CSTPP1: variants seen among roughly 807,000 people sequenced by gnomAD.
CSTPP1 encodes the protein centriolar satellite-associated tubulin polyglutamylase complex regulator 1.
the CSTPP1 span, among the ~76,000 whole-genome samples, chr11:46,973,790 G>GTGTGTGTGTGTC: frequency 6.6e-6 from 1 of 151,744 alleles, no homozygotes; most frequent in Non-Finnish European, 1.5e-5. Context: ...ATGTGTGTGT[G>GTGTGTGTGTGTC]TGTGTGTGTC....
At chr11:47,106,216 C>T in the CSTPP1 span, among the ~76,000 whole-genome samples, 6 of 152,262 alleles carry the variant, frequency 3.9e-5, no homozygotes, top group East Asian at 5.8e-4. Context: ...AACAACTGAA[C>T]GCCTGGTTTA....
the CSTPP1 span, among the ~76,000 whole-genome samples, chr11:47,098,481 C>G: frequency 6.6e-6 from 1 of 150,798 alleles, no homozygotes; most frequent in Non-Finnish European, 1.5e-5. Flanking sequence ...GAATGTAGAA[C>G]AAAAGAAATG....
chr11:47,143,347 T>C, the CSTPP1 span, among the ~76,000 whole-genome samples: 1 of 152,186 alleles, frequency 6.6e-6, no homozygotes, highest in African/African-American at 2.4e-5. Flanking sequence ...GGAACTGCCC[T>C]CTCCCATTTC....
At chr11:46,949,924 C>T in the CSTPP1 span, among the ~76,000 whole-genome samples, 1 of 152,128 alleles carries the variant, frequency 6.6e-6, no homozygotes, top group East Asian at 1.9e-4. Flanking sequence ...CCTCCCGCCT[C>T]GGCCTCCCCA....
the CSTPP1 span, among the ~76,000 whole-genome samples, chr11:47,012,421 C>G: frequency 6.6e-6 from 1 of 151,670 alleles, no homozygotes; most frequent in Non-Finnish European, 1.5e-5. Flanking sequence ...AAAGTATATT[C>G]TTGATTAAGA....
chr11:47,010,150 A>G, the CSTPP1 span, among the ~76,000 whole-genome samples: 1 of 152,280 alleles, frequency 6.6e-6, no homozygotes, highest in East Asian at 1.9e-4. Context: ...GATAATTATC[A>G]GACAGAGAAG....
the CSTPP1 span, among the ~76,000 whole-genome samples, chr11:47,019,660 G>A: frequency 6.6e-6 from 1 of 152,276 alleles, no homozygotes; most frequent in Non-Finnish European, 1.5e-5. Flanking sequence ...GATGTGGTTT[G>A]TGGCACCCCA....
At chr11:47,125,282 G>T in the CSTPP1 span, among the ~76,000 whole-genome samples, 1 of 152,076 alleles carries the variant, frequency 6.6e-6, no homozygotes, top group East Asian at 1.9e-4. Flanking sequence ...ATAGGTAGCC[G>T]TAAATCCATC....
At chr11:47,053,637 A>AAAAAG in the CSTPP1 span, among the ~76,000 whole-genome samples, 3 of 151,738 alleles carry the variant, frequency 2.0e-5, no homozygotes, top group African/African-American at 7.3e-5. Context: ...AAAAAAAAGA[A>AAAAAG]AAAAGAAAAG....
chr11:47,058,826 A>G, the CSTPP1 span, among the ~76,000 whole-genome samples: 111 of 152,334 alleles, frequency 7.3e-4, no homozygotes, highest in Non-Finnish European at 1.3e-3. Flanking sequence ...TTATTGCTTC[A>G]GCGTGTTATG....
chr11:47,116,171 G>A, the CSTPP1 span, among the ~76,000 whole-genome samples: 1 of 152,142 alleles, frequency 6.6e-6, no homozygotes, highest in Non-Finnish European at 1.5e-5. Flanking sequence ...TGGCATTGTG[G>A]TCTGAGAGAC....
the CSTPP1 span, among the ~76,000 whole-genome samples, chr11:47,036,271 A>T: frequency 2.9e-5 from 2 of 69,568 alleles, 1 homozygote; most frequent in South Asian, 7.9e-4. Flanking sequence ...TAATATATAT[A>T]TTATATATTA....
At chr11:46,953,745 C>G in the CSTPP1 span, among the ~76,000 whole-genome samples, 1 of 152,134 alleles carries the variant, frequency 6.6e-6, no homozygotes, top group Non-Finnish European at 1.5e-5. Flanking sequence ...AGAATTTTCT[C>G]AATTAGGAAG....
chr11:47,122,468 G>A, the CSTPP1 span, among the ~76,000 whole-genome samples: 1 of 152,004 alleles, frequency 6.6e-6, no homozygotes, highest in Non-Finnish European at 1.5e-5. Flanking sequence ...CTCTGTGGAT[G>A]GTTTCCTGCC....
the CSTPP1 span, among the ~76,000 whole-genome samples, chr11:47,147,555 C>A: frequency 6.6e-6 from 1 of 152,118 alleles, no homozygotes; most frequent in Non-Finnish European, 1.5e-5. Context: ...AGCACCCAGG[C>A]CAAATCTTCC....
the CSTPP1 span, among the ~76,000 whole-genome samples, chr11:47,044,017 C>T: frequency 1.1e-4 from 16 of 152,206 alleles, no homozygotes; most frequent in Non-Finnish European, 1.8e-4. Context: ...GATGGAGTCT[C>T]GCTCTGTCAC....
chr11:47,051,398 T>C, the CSTPP1 span, among the ~76,000 whole-genome samples: 1 of 152,200 alleles, frequency 6.6e-6, no homozygotes, highest in East Asian at 1.9e-4. Flanking sequence ...CAATGGAGTA[T>C]ATTTTTTTCC....
At chr11:47,013,146 T>C in the CSTPP1 span, among the ~76,000 whole-genome samples, 2 of 148,000 alleles carry the variant, frequency 1.4e-5, no homozygotes, top group Non-Finnish European at 3.0e-5. Context: ...TATAACCATA[T>C]GTAGTTATAT....
chr11:47,014,569 G>A, the CSTPP1 span, among the ~76,000 whole-genome samples: 1 of 151,938 alleles, frequency 6.6e-6, no homozygotes, highest in Admixed American at 6.6e-5. Flanking sequence ...CAGGCGTGGT[G>A]GTGCATGACT....
Sources: allele counts gnomAD v4.1 joint callset (sites outside exome capture counted in the v4.1 genomes callset), GRCh38; gene constraint gnomAD v4.1.1; transcripts MANE v1.5; gene names NCBI Gene and HGNC (gene_info 2026-07-23, HGNC 2026-07-21).